The following SORCS1 variants were observed in gnomAD, a reference collection of about 807,000 sequenced individuals.
The protein encoded by SORCS1 is VPS10 domain-containing receptor SorCS1.
A neutral mutation model predicts 146.1 loss-of-function variants in SORCS1; 60 were observed. That is an observed-to-expected ratio of 0.41 (90% CI 0.33 to 0.51). The LOEUF (loss-of-function observed/expected upper bound fraction) is 0.51. Among genes scored for constraint, SORCS1 ranks in the 20% least tolerant of loss-of-function variants. SORCS1 has a pLI of 0.21. For synonymous variants in SORCS1, 637 were observed against 584.0 expected, an observed-to-expected ratio of 1.09 and a Z score of -1.31; for missense variants, 1,352 against 1,487.6, an observed-to-expected ratio of 0.91 and a Z score of 1.50.
intron 21 of SORCS1, 63 bp from the exon 22 acceptor site, chr10:106,612,086 A>C: frequency 3.8e-6 from 5 of 1,328,066 alleles, no homozygotes; most frequent in Non-Finnish European, 5.4e-6. Context: ...GGTTTGTTAG[A>C]CTTTATATTT....
chr10:107,104,879 G>C (rs1409447034), intron 1 of SORCS1, among the ~76,000 whole-genome samples: 1 of 152,180 alleles, frequency 6.6e-6, no homozygotes, highest in Non-Finnish European at 1.5e-5. Context: ...GCTGGCAAGT[G>C]TGAAACAACC....
intron 2 of SORCS1, among the ~76,000 whole-genome samples, chr10:106,871,643 A>G (rs1446625446): frequency 1.2e-4 from 18 of 152,234 alleles, no homozygotes; most frequent in Admixed American, 1.1e-3. Context: ...ACACAAGAAC[A>G]GAAAACCAAA....
intron 23 of SORCS1, among the ~76,000 whole-genome samples, chr10:106,598,469 C>A (rs1462522834): frequency 2.6e-5 from 4 of 151,756 alleles, no homozygotes; most frequent in Non-Finnish European, 4.4e-5. Context: ...ACCATGTTGG[C>A]CAGGATGGTC....
chr10:107,098,632 T>C (rs913374146), intron 1 of SORCS1, among the ~76,000 whole-genome samples: 1 of 152,238 alleles, frequency 6.6e-6, no homozygotes, highest in African/African-American at 2.4e-5. Flanking sequence ...AAGAGGAAAT[T>C]TAATTAATGC....
intron 5 of SORCS1, among the ~76,000 whole-genome samples, chr10:106,743,995 T>C (rs542945491): frequency 7.2e-5 from 11 of 152,330 alleles, no homozygotes; most frequent in Admixed American, 2.0e-4. Flanking sequence ...TAACACACGA[T>C]GTAATATTAG....
At chr10:107,144,094 G>A (rs1408601661) in intron 1 of SORCS1, among the ~76,000 whole-genome samples, 1 of 151,924 alleles carries the variant, frequency 6.6e-6, no homozygotes, top group Non-Finnish European at 1.5e-5. Context: ...CTTCCCCTTA[G>A]AGCTTGCTTG....
rs929025633 is a variant in SORCS1 at position 106,664,428 on chromosome 10, G to A, written c.2303+3261C>T. Among the ~76,000 whole-genome samples the A allele has an allele frequency of 5.9e-5, 9 of 152,200 alleles. 1 individual carries two copies. The highest frequency in any genetic ancestry group is 2.0e-4 in the Admixed American group (3 of 15,304). The stretch of plus-strand genomic sequence containing the variant: ...GAGGCTGAGGCAGGTGGATCACGAG[G>A]TCAGGAGATCAAGACCATCCTGGCT... On this transcript the variant is annotated intron_variant, in intron 17 of 25. Transcript: ENST00000263054.
chr10:106,824,053 C>T (rs1411128920), intron 3 of SORCS1, among the ~76,000 whole-genome samples: 1 of 152,148 alleles, frequency 6.6e-6, no homozygotes, highest in Non-Finnish European at 1.5e-5. Context: ...CTTGTAATCC[C>T]AGCACTTTGG....
chr10:107,069,441 T>C (rs1285797215), intron 1 of SORCS1, among the ~76,000 whole-genome samples: 1 of 152,132 alleles, frequency 6.6e-6, no homozygotes, highest in Admixed American at 6.6e-5. Flanking sequence ...AGTAGTGCCA[T>C]GTCGGCTCAC....
chr10:106,937,462 G>A (rs1953796621), intron 2 of SORCS1, among the ~76,000 whole-genome samples: 1 of 151,912 alleles, frequency 6.6e-6, no homozygotes, highest in Admixed American at 6.6e-5. Context: ...GCAGACATGA[G>A]TCACTGTGCC....
intron 1 of SORCS1, among the ~76,000 whole-genome samples, chr10:106,976,056 G>T (rs1955982003): frequency 6.7e-6 from 1 of 148,244 alleles, no homozygotes; most frequent in African/African-American, 2.5e-5. Flanking sequence ...TGAGGCAGAA[G>T]AATTGCTTGA....
At chr10:106,850,442 G>A (rs1351033205) in intron 2 of SORCS1, among the ~76,000 whole-genome samples, 1 of 152,004 alleles carries the variant, frequency 6.6e-6, no homozygotes, top group Non-Finnish European at 1.5e-5. Flanking sequence ...CCCTGCTTCG[G>A]CTCGCACACG....
intron 3 of SORCS1, among the ~76,000 whole-genome samples, chr10:106,816,749 G>GA (rs1209546878): frequency 1.3e-5 from 2 of 151,932 alleles, no homozygotes; most frequent in Non-Finnish European, 2.9e-5. Flanking sequence ...CTTCTTGTTT[G>GA]AAAAAAATAA....
intron 1 of SORCS1, among the ~76,000 whole-genome samples, chr10:106,988,328 T>C (rs1956582745): frequency 6.6e-6 from 1 of 152,210 alleles, no homozygotes; most frequent in Non-Finnish European, 1.5e-5. Flanking sequence ...ACAGCATTCA[T>C]ATATCAGCTG....
rs564486710 is a variant in SORCS1 at position 107,143,312 on chromosome 10, C to T, written c.558+20657G>A. ...TCCTTTATACATTCACAATAAAGTC[C>T]AATCTCTTATTTTGTTTTGTTGTTT... On this transcript the variant is annotated intron_variant, in intron 1 of 25. Transcript: ENST00000263054. Among the ~76,000 whole-genome samples, 299 of 152,068 alleles carry T rather than the reference C, an allele frequency of 2.0e-3. 1 individual carries two copies. The highest frequency in any genetic ancestry group is 6.6e-3 in the African/African-American group (273 of 41,482).
At chr10:106,950,612 T>C (rs1358584746) in intron 2 of SORCS1, among the ~76,000 whole-genome samples, 2 of 152,020 alleles carry the variant, frequency 1.3e-5, no homozygotes, top group African/African-American at 4.8e-5. Flanking sequence ...TGTGTGTGTA[T>C]ATATATACAC....
intron 6 of SORCS1, among the ~76,000 whole-genome samples, chr10:106,723,366 A>G (rs190426687): frequency 6.6e-6 from 1 of 150,682 alleles, no homozygotes; most frequent in East Asian, 2.0e-4. Context: ...TTTCCTTTTT[A>G]GTATTTTAAT....
At chr10:106,861,452 G>T (rs1317446237) in intron 2 of SORCS1, among the ~76,000 whole-genome samples, 1 of 150,132 alleles carries the variant, frequency 6.7e-6, no homozygotes, top group Non-Finnish European at 1.5e-5. Flanking sequence ...CTTACCAAAT[G>T]AAGTCAATGT....
intron 1 of SORCS1, among the ~76,000 whole-genome samples, chr10:107,067,242 C>T (rs555739454): frequency 4.6e-5 from 7 of 152,134 alleles, no homozygotes; most frequent in South Asian, 2.1e-4. Flanking sequence ...TAATAGTTTC[C>T]CTGGATTCAA....
Sources: allele counts gnomAD v4.1 joint callset (sites outside exome capture counted in the v4.1 genomes callset), GRCh38; gene constraint gnomAD v4.1.1; transcripts MANE v1.5; gene names NCBI Gene and HGNC (gene_info 2026-07-23, HGNC 2026-07-21).